The following NSD1 variants were observed in gnomAD, a reference collection of about 807,000 sequenced individuals.
The protein encoded by NSD1 is histone-lysine N-methyltransferase, H3 lysine-36 specific.
Under a neutral mutation model 242.7 loss-of-function variants are expected in NSD1, and 26 were observed. The ratio of observed to expected loss-of-function variants is 0.11; its 90% CI spans 0.08 to 0.15. The LOEUF (loss-of-function observed/expected upper bound fraction) is 0.15. NSD1 is among the 10% of genes least tolerant of loss of function. NSD1 has a pLI of 1.00. For missense variants in NSD1, 2,495 were observed against 3,272.8 expected (o/e 0.76, Z 5.80); for synonymous variants, 1,106 against 1,178.1 (o/e 0.94, Z 1.25).
At chr5:177,266,321 T>G (rs1212334693) in intron 14 of NSD1, 1 of 722,268 alleles carries the variant, frequency 1.4e-6, no homozygotes, top group African/African-American at 1.7e-5. Context: ...CACCGCATAA[T>G]CAGAGCTACT....
chr5:177,287,340 T>C (rs1759414583), intron 20 of NSD1, among the ~76,000 whole-genome samples: 1 of 152,232 alleles, frequency 6.6e-6, no homozygotes, highest in Non-Finnish European at 1.5e-5. Flanking sequence ...AATCTTTTAT[T>C]AAGAAAAAGA....
At chr5:177,206,118 G>A (rs1762850678) in intron 4 of NSD1, among the ~76,000 whole-genome samples, 1 of 152,082 alleles carries the variant, frequency 6.6e-6, no homozygotes, top group South Asian at 2.1e-4. Flanking sequence ...TCATGCCTTA[G>A]CCTCCCAAAT....
intron 2 of NSD1, among the ~76,000 whole-genome samples, chr5:177,163,480 A>G (rs1435673533): frequency 6.6e-6 from 1 of 152,146 alleles, no homozygotes; most frequent in African/African-American, 2.4e-5. Context: ...GGGATTGTAG[A>G]AAGAATGTAG....
chr5:177,135,611 C>G lies in NSD1; in HGVS notation c.508C>G (p.Pro170Ala). Residue 170 changes from proline (P) to alanine (A), a missense_variant, in exon 2 of 23, where the codon CCA becomes GCA. Transcript: ENST00000439151. ...TGCAGATGTAGATTCTGAAATGGAC[C>G]CAGAACAGCCAGTCACAGAGGATGA... ...DDADVDSEMD[P>A]EQPVTEDESI... The G allele has an allele frequency of 6.2e-7, 1 of 1,614,074 alleles. No homozygotes were observed. The highest frequency in any genetic ancestry group is 1.3e-5 in the African/African-American group (1 of 75,002).
In NSD1 at chr5:177,181,427, G is replaced by GTTT. The variant is rs34848476; in HGVS notation, c.928-10441_928-10439dup. On this transcript the variant is annotated intron_variant, in intron 2 of 22. Coordinates refer to ENST00000439151, the MANE Select transcript of NSD1 (RefSeq NM_022455.5). Reference sequence around the variant, plus strand: ...AAACTTCATTATGGGTTTTTTTTTGGTTTTTTTTTTTTTTTTTTGGCAGGT... The same window carrying GTTT: ...AAACTTCATTATGGGTTTTTTTTTGGTTTTTTTTTTTTTTTTTTTTTGGCAGGT... 4.4e-3 allele frequency among the ~76,000 whole-genome samples: 514 copies of GTTT among 117,278 alleles called. 7 individuals carry two copies. Among genetic ancestry groups the GTTT allele is most frequent in the African/African-American group, 0.013 (350 of 27,200 alleles). The allele number at this position is 117,278 out of a possible 152,430, so 76.9% of individuals were successfully genotyped here. A position where few individuals can be genotyped will look rare whatever the true frequency, so the allele number is the denominator to read the frequency against.
At chr5:177,280,866 T>C (rs754051571) in intron 18 of NSD1, 32 bp downstream of exon 18, 7 of 1,611,056 alleles carry the variant, frequency 4.3e-6, no homozygotes, top group Non-Finnish European at 5.9e-6. Context: ...ATATACTTTC[T>C]CCTCTTTGCA....
At chr5:177,277,585 G>A (rs1022814139) in intron 17 of NSD1, among the ~76,000 whole-genome samples, 3 of 152,214 alleles carry the variant, frequency 2.0e-5, no homozygotes, top group South Asian at 2.1e-4. Context: ...TTTGGTTTAC[G>A]ATGTGATAAG....
intron 21 of NSD1, among the ~76,000 whole-genome samples, chr5:177,291,498 C>G (rs542374684): frequency 6.6e-6 from 1 of 152,130 alleles, no homozygotes; most frequent in South Asian, 2.1e-4. Flanking sequence ...ACTAAAAATA[C>G]AAAAATTAGC....
At chr5:177,213,542 A>C (rs11952371) in intron 5 of NSD1, among the ~76,000 whole-genome samples, 3,926 of 151,914 alleles carry the variant, frequency 0.026, 51 homozygotes, top group African/African-American at 0.03. Flanking sequence ...ATCTCGGCTC[A>C]CTGCAGGCTC....
intron 12 of NSD1, among the ~76,000 whole-genome samples, chr5:177,252,310 A>G (rs113347874): frequency 0.015 from 2,250 of 152,264 alleles, 54 homozygotes; most frequent in African/African-American, 0.052. Flanking sequence ...GTAATATTTT[A>G]TATTTCTTAA....
chr5:177,206,921 C>T (rs1762916016), intron 4 of NSD1, among the ~76,000 whole-genome samples: 1 of 151,116 alleles, frequency 6.6e-6, no homozygotes, highest in Non-Finnish European at 1.5e-5. Flanking sequence ...GGAGGCTACT[C>T]CTCTAGTTAC....
intron 2 of NSD1, chr5:177,136,725 C>T: frequency 2.0e-6 from 1 of 503,036 alleles, no homozygotes; most frequent in Non-Finnish European, 3.6e-6. Context: ...TCCCGAGTAG[C>T]TGGGATTACT....
intron 14 of NSD1, chr5:177,266,442 G>A: frequency 1.6e-6 from 1 of 617,002 alleles, no homozygotes; most frequent in African/African-American, 1.8e-5. Context: ...AGAGGTGGCG[G>A]TTGTGAAACA....
chr5:177,205,028 T>TTTTG (rs1170079317), intron 4 of NSD1, among the ~76,000 whole-genome samples: 2 of 152,114 alleles, frequency 1.3e-5, no homozygotes, highest in Admixed American at 6.6e-5. Context: ...AATGTGGTTT[T>TTTTG]TTTGTTTGTT....
chr5:177,229,534 T>C (rs1057334021), intron 5 of NSD1, among the ~76,000 whole-genome samples: 14 of 152,226 alleles, frequency 9.2e-5, no homozygotes, highest in African/African-American at 2.7e-4. Flanking sequence ...ATATTCCTCC[T>C]TTGTTCCTGA....
chr5:177,225,734 C>T (rs1208630238), intron 5 of NSD1, among the ~76,000 whole-genome samples: 3 of 152,080 alleles, frequency 2.0e-5, no homozygotes, highest in Non-Finnish European at 4.4e-5. Context: ...TCACAATTTT[C>T]GTTCATTATA....
At chr5:177,219,375 C>A (rs1423942338) in intron 5 of NSD1, among the ~76,000 whole-genome samples, 1 of 151,830 alleles carries the variant, frequency 6.6e-6, no homozygotes, top group African/African-American at 2.4e-5. Flanking sequence ...TTAGTAGAGA[C>A]GGGGTTTCAC....
At chr5:177,192,163 A>G (rs771180258) in intron 3 of NSD1, 144 bp downstream of exon 3, 8 of 747,318 alleles carry the variant, frequency 1.1e-5, no homozygotes, top group Non-Finnish European at 1.4e-5. Flanking sequence ...TGGGGCTTTT[A>G]AAAGTTCGTT....
At chr5:177,285,538 C>G (rs562407715) in intron 20 of NSD1, among the ~76,000 whole-genome samples, 1 of 115,272 alleles carries the variant, frequency 8.7e-6, no homozygotes, top group East Asian at 2.6e-4. Flanking sequence ...CACTCTAGCC[C>G]GGGCAACAGA....
Sources: gnomAD v4.1 joint callset for allele counts (sites outside exome capture counted in the v4.1 genomes callset) on GRCh38, gnomAD v4.1.1 for gene constraint, MANE v1.5 for transcripts, NCBI Gene and HGNC (gene_info 2026-07-23, HGNC 2026-07-21) for gene names.